Variants in RAP1GDS1 observed in about 807,000 individuals in gnomAD.
RAP1GDS1 encodes the protein RAP1, GTP-GDP dissociation stimulator 1.
In RAP1GDS1, 35 loss-of-function variants were observed where a neutral mutation model predicts 71.1. The observed-to-expected ratio is 0.49, with a 90% CI of 0.38 to 0.65. RAP1GDS1 has a LOEUF of 0.65. Ranked by LOEUF, RAP1GDS1 falls within the 30% of genes least tolerant of loss-of-function variation. The pLI is 0.00. For synonymous variants in RAP1GDS1, 229 were observed against 243.1 expected (o/e 0.94, Z 0.54); for missense variants, 663 against 706.1 (o/e 0.94, Z 0.69).
At chr4:98,341,748 C>T (rs144103825) in intron 2 of RAP1GDS1, among the ~76,000 whole-genome samples, 3 of 152,050 alleles carry the variant, frequency 2.0e-5, no homozygotes, top group East Asian at 1.9e-4. Context: ...CACATTTTCA[C>T]GTGGTTCCTT....
intron 2 of RAP1GDS1, among the ~76,000 whole-genome samples, chr4:98,329,742 T>TCA (rs1467787086): frequency 1.5e-5 from 2 of 137,144 alleles, no homozygotes; most frequent in Non-Finnish European, 3.0e-5. Flanking sequence ...TGAGCCAAGA[T>TCA]CATGCCATTG....
At chr4:98,297,185 T>A (rs1727910976) in intron 2 of RAP1GDS1, among the ~76,000 whole-genome samples, 1 of 152,196 alleles carries the variant, frequency 6.6e-6, no homozygotes, top group Non-Finnish European at 1.5e-5. Context: ...ACATCTCTAA[T>A]CTTCTATGAT....
intron 4 of RAP1GDS1, among the ~76,000 whole-genome samples, chr4:98,359,149 T>C (rs1268828573): frequency 5.9e-5 from 9 of 152,046 alleles, no homozygotes; most frequent in Admixed American, 2.6e-4. Context: ...TCCCTCCAAA[T>C]TGGACTTTTA....
intron 4 of RAP1GDS1, among the ~76,000 whole-genome samples, chr4:98,369,946 T>G (rs954562616): frequency 1.3e-5 from 2 of 152,242 alleles, no homozygotes; most frequent in Admixed American, 6.5e-5. Context: ...TAAATTGCAG[T>G]AAGGGCTTGA....
At chr4:98,403,698 A>T (rs1425168747) in intron 6 of RAP1GDS1, among the ~76,000 whole-genome samples, 1 of 152,190 alleles carries the variant, frequency 6.6e-6, no homozygotes, top group Non-Finnish European at 1.5e-5. Context: ...GAGAATAAGG[A>T]CTGAGAAGGT....
chr4:98,327,903 T>C (rs1733379990), intron 2 of RAP1GDS1, among the ~76,000 whole-genome samples: 1 of 152,212 alleles, frequency 6.6e-6, no homozygotes, highest in Non-Finnish European at 1.5e-5. Flanking sequence ...GCTGAGCTAG[T>C]ATTATTTTGT....
intron 5 of RAP1GDS1, among the ~76,000 whole-genome samples, chr4:98,379,945 A>G (rs1741739688): frequency 2.0e-5 from 3 of 151,798 alleles, no homozygotes; most frequent in Non-Finnish European, 4.4e-5. Context: ...TTTGGCAGAG[A>G]CATTTTATTT....
chr4:98,324,277 A>G (rs1334570912), intron 2 of RAP1GDS1, among the ~76,000 whole-genome samples: 5 of 151,468 alleles, frequency 3.3e-5, no homozygotes, highest in Non-Finnish European at 1.5e-5. Context: ...AAGAGGACAC[A>G]AACAAATGGA....
intron 1 of RAP1GDS1, among the ~76,000 whole-genome samples, chr4:98,282,737 G>C (rs576755591): frequency 1.2e-4 from 18 of 152,122 alleles, no homozygotes; most frequent in African/African-American, 4.1e-4. Context: ...GATCTTTCCT[G>C]CTTTCCCTTG....
At chr4:98,382,746 T>C (rs192251570) in intron 5 of RAP1GDS1, among the ~76,000 whole-genome samples, 35 of 151,740 alleles carry the variant, frequency 2.3e-4, no homozygotes, top group African/African-American at 8.2e-4. Context: ...TGGATACTTA[T>C]TATCGTCTAA....
At chr4:98,415,515 A>T (rs77660258) in intron 7 of RAP1GDS1, among the ~76,000 whole-genome samples, 22,049 of 152,118 alleles carry the variant, frequency 0.14, 2,342 homozygotes, top group African/African-American at 0.3. Flanking sequence ...AGCCAGTCCC[A>T]CCATTTGGGG....
At chr4:98,424,995 A>G (rs554152201) in intron 12 of RAP1GDS1, among the ~76,000 whole-genome samples, 1 of 152,206 alleles carries the variant, frequency 6.6e-6, no homozygotes, top group Non-Finnish European at 1.5e-5. Context: ...CAAAAGCACG[A>G]GGTAACCTAT....
At chr4:98,318,551 C>T (rs1022161480) in intron 2 of RAP1GDS1, among the ~76,000 whole-genome samples, 1 of 152,076 alleles carries the variant, frequency 6.6e-6, no homozygotes, top group African/African-American at 2.4e-5. Flanking sequence ...GATAAAATAC[C>T]TTCTTGATGA....
chr4:98,382,690 T>G (rs1390620464), intron 5 of RAP1GDS1, among the ~76,000 whole-genome samples: 1 of 151,648 alleles, frequency 6.6e-6, no homozygotes, highest in Non-Finnish European at 1.5e-5. Flanking sequence ...TATAACACTG[T>G]TTTAGCACAT....
intron 3 of RAP1GDS1, 52 bp downstream of exon 3, chr4:98,343,313 C>T (rs1735766590): frequency 1.3e-6 from 2 of 1,525,098 alleles, no homozygotes; most frequent in East Asian, 4.5e-5. Context: ...AGTTTTACAT[C>T]TTACTTGTCA....
At position 98,420,081 on chromosome 4, in the gene RAP1GDS1, T is replaced by A. The variant is rs1748594586; in HGVS notation, c.1237T>A (p.Ser413Thr). The stretch of plus-strand genomic sequence containing the variant: ...AGAGGCAGTTTTGAAATTTCTTAAA[T>A]CTGAAATGCCTCCTGTTCAGTTCAA... ...VTEAVLKFLK[S>T]EMPPVQFKLL... The change falls in exon 11 of 15, where the codon TCT (serine) becomes ACT (threonine). Residue 413 changes from serine to threonine, a missense_variant. Coordinates refer to ENST00000408927, the MANE Select transcript of RAP1GDS1 (RefSeq NM_001100427.2). 6.2e-7 allele frequency: 1 copy of A among 1,607,644 alleles called. No individual in the cohort carries two copies. The highest frequency in any genetic ancestry group is 1.7e-5 in the Admixed American group (1 of 59,526).
Position 98,433,911 on chromosome 4 carries a change from A to G in RAP1GDS1, c.1441-25A>G, listed in dbSNP as rs542189943. 16 of 1,582,994 alleles carry G rather than the reference A, an allele frequency of 1.0e-5. 1 individual carries two copies. In the African/African-American group the frequency reaches 1.6e-4, roughly 16 times the overall value. On this transcript the variant is annotated intron_variant, in intron 12 of 14. Coordinates refer to ENST00000408927, the MANE Select transcript of RAP1GDS1 (RefSeq NM_001100427.2). ...CCTTATGTTTAAAATTAAAGTCTATAATTCTCTGATATTATTTATTGTAGG... is the reference window on the plus strand; with the variant it reads ...CCTTATGTTTAAAATTAAAGTCTATGATTCTCTGATATTATTTATTGTAGG...
At chr4:98,331,392 G>A (rs929599109) in intron 2 of RAP1GDS1, among the ~76,000 whole-genome samples, 1 of 151,492 alleles carries the variant, frequency 6.6e-6, no homozygotes, top group African/African-American at 2.4e-5. Context: ...GAGGGAGAGG[G>A]AGAAGGTAAA....
intron 14 of RAP1GDS1, among the ~76,000 whole-genome samples, chr4:98,438,644 G>A (rs972678701): frequency 1.4e-5 from 2 of 138,764 alleles, no homozygotes; most frequent in Non-Finnish European, 3.0e-5. Context: ...CCAGGCTGGA[G>A]TGCAGTGGCG....
Sources: gnomAD v4.1 joint callset for allele counts (sites outside exome capture counted in the v4.1 genomes callset) on GRCh38, gnomAD v4.1.1 for gene constraint, MANE v1.5 for transcripts, NCBI Gene and HGNC (gene_info 2026-07-23, HGNC 2026-07-21) for gene names.